The following OR8G5 variants were observed in gnomAD, a reference collection of about 807,000 sequenced individuals.
OR8G5 encodes olfactory receptor family 8 subfamily G member 5.
For missense variants in OR8G5, 347 were observed against 371.9 expected, an observed-to-expected ratio of 0.93 and a Z score of 0.55; for synonymous variants, 147 against 147.7, an observed-to-expected ratio of 1.00 and a Z score of 0.03.
At chr11:124,262,720 C>T (rs961142050) in intron 1 of OR8G5, among the ~76,000 whole-genome samples, 1 of 151,676 alleles carries the variant, frequency 6.6e-6, no homozygotes, top group Non-Finnish European at 1.5e-5. Flanking sequence ...TGCATCTACT[C>T]ATCTGTTGAT....
At chr11:124,262,191 CAG>C (rs763592036) in intron 1 of OR8G5, among the ~76,000 whole-genome samples, 114 of 151,302 alleles carry the variant, frequency 7.5e-4, no homozygotes, top group Non-Finnish European at 1.4e-3. Context: ...TTAAAATCAA[CAG>C]AGTAAAAAGT....
Position 124,262,672 on chromosome 11 carries a change from T to TACACACACACAC in OR8G5, c.-14-2245_-14-2244insCACACACACACA, listed in dbSNP as rs144755103. Among the ~76,000 whole-genome samples the TACACACACACAC allele has an allele frequency of 5.9e-3, 885 of 150,954 alleles. 5 individuals are homozygous for TACACACACACAC. Among genetic ancestry groups the TACACACACACAC allele is most frequent in the East Asian group, 0.022 (114 of 5,140 alleles). ...GTATTCAGTTTTATATATATGTACA[T>TACACACACACAC]ATACACACACACACACATACACACA... On this transcript the variant is annotated intron_variant, in intron 1 of 1. Transcript: ENST00000641992.
Position 124,264,065 on chromosome 11 carries a change from A to G in OR8G5, c.-14-853A>G, listed in dbSNP as rs536649360. On this transcript the variant is annotated intron_variant, in intron 1 of 1. Transcript: ENST00000641992. ...TTTCTTACTATCTTCCCATTTTTAC[A>G]CGCTTAATAGACATTAACAACATAA... Among the ~76,000 whole-genome samples, 12 of 152,246 alleles carry G rather than the reference A, an allele frequency of 7.9e-5. No individual in the cohort carries two copies. The South Asian group carries it at 2.5e-3, about 32-fold the overall frequency.
intron 1 of OR8G5, among the ~76,000 whole-genome samples, chr11:124,258,662 C>T (rs1861935598): frequency 6.6e-6 from 1 of 151,970 alleles, no homozygotes; most frequent in South Asian, 2.1e-4. Context: ...ACTTGCCAAC[C>T]TCATAGTGCC....
intron 1 of OR8G5, among the ~76,000 whole-genome samples, chr11:124,262,108 G>A (rs1216426042): frequency 3.3e-5 from 5 of 151,114 alleles, no homozygotes; most frequent in African/African-American, 1.2e-4. Flanking sequence ...CTAGGAAAAG[G>A]ACAGGAAATC....
At chr11:124,261,137 T>G (rs2954986) in intron 1 of OR8G5, among the ~76,000 whole-genome samples, 1 of 150,516 alleles carries the variant, frequency 6.6e-6, no homozygotes, top group Non-Finnish European at 1.5e-5. Flanking sequence ...CGTTCGTTTT[T>G]TGGCTTAATA....
rs1326199204 is a variant in OR8G5 at position 124,256,542 on chromosome 11, A to G, written c.-107A>G. ...ACTACAGAACGCTGGCTTGGTACCT[A>G]TGACTTCCAACAGCAGCATTAGTGC... On this transcript the variant is annotated 5_prime_UTR_variant, in exon 1 of 2. It removes an upstream start codon present in the reference 5' UTR. Transcript: ENST00000641992. 2.6e-5 allele frequency: 4 copies of G among 152,216 alleles called. No individual in the cohort carries two copies. Among genetic ancestry groups the G allele is most frequent in the Non-Finnish European group, 4.4e-5 (3 of 68,044 alleles). The allele number at this position is 152,216 out of a possible 1,614,324, so 9.4% of individuals were successfully genotyped here.
chr11:124,263,603 G>T (rs1313243332), intron 1 of OR8G5, among the ~76,000 whole-genome samples: 1 of 149,300 alleles, frequency 6.7e-6, no homozygotes, highest in African/African-American at 2.5e-5. Flanking sequence ...GCAGTGTTTG[G>T]TTTTTTGTCC....
intron 1 of OR8G5, among the ~76,000 whole-genome samples, chr11:124,262,651 T>A (rs1487735012): frequency 3.5e-5 from 5 of 144,624 alleles, no homozygotes; most frequent in Non-Finnish European, 7.6e-5. Flanking sequence ...TCAATAGTAT[T>A]CAGTTTTATA....
Position 124,265,864 on chromosome 11 carries a change from A to G in OR8G5, c.933A>G (p.Leu311=), listed in dbSNP as rs1301044767. ...LKKTLGKRTF[L] Reference sequence around the variant, plus strand: ...AAACGCTAGGGAAAAGAACATTCTTATGAACAGAAGTACAATGAAAAAGAT... The same window carrying G: ...AAACGCTAGGGAAAAGAACATTCTTGTGAACAGAAGTACAATGAAAAAGAT... The change falls in exon 2 of 2, where the codon TTA becomes TTG. Residue 311 remains leucine (L), a synonymous_variant. Transcript: ENST00000641992. The G allele has an allele frequency of 6.2e-7, 1 of 1,607,542 alleles. No individual in the cohort carries two copies. The highest frequency in any genetic ancestry group is 1.7e-5 in the Admixed American group (1 of 59,180).
Position 124,265,426 on chromosome 11 carries a change from G to C in OR8G5, c.495G>C (p.Arg165Ser). ...CASAHIGCMF[R>S]VQFCKFDVIN... ...CAGCTCATATAGGCTGTATGTTTAG[G>C]GTTCAATTCTGCAAATTTGATGTGA... is the stretch of plus-strand genomic sequence containing the variant. The change falls in exon 2 of 2, where the codon AGG becomes AGC. Residue 165 changes from arginine to serine, a missense_variant. Physicochemically the swap from Arg to Ser is moderately radical, Grantham distance 110. Coordinates refer to ENST00000641992, the MANE Select transcript of OR8G5 (RefSeq NM_001005198.2). The C allele has an allele frequency of 6.2e-7, 1 of 1,613,816 alleles. No homozygotes were observed. Among genetic ancestry groups the C allele is most frequent in the African/African-American group, 1.3e-5 (1 of 74,990 alleles).
chr11:124,262,409 C>G (rs1861980153), intron 1 of OR8G5, among the ~76,000 whole-genome samples: 1 of 151,458 alleles, frequency 6.6e-6, no homozygotes, highest in African/African-American at 2.4e-5. Context: ...ATTGAAAATT[C>G]AATTTAAGAA....
chr11:124,263,925 G>GT (rs1165291421), intron 1 of OR8G5, among the ~76,000 whole-genome samples: 2 of 151,984 alleles, frequency 1.3e-5, no homozygotes, highest in Non-Finnish European at 2.9e-5. Context: ...TTGTAATTCT[G>GT]TTTTTTAATT....
Position 124,265,903 on chromosome 11 carries a change from A to C in OR8G5, c.*36A>C, listed in dbSNP as rs1293486918. On this transcript the variant is annotated 3_prime_UTR_variant, in exon 2 of 2. Transcript: ENST00000641992. The stretch of plus-strand genomic sequence containing the variant: ...AATGAAAAAGATTGCATTAGATCTA[A>C]GTTTTTGGCTATGATATTGTATGAA... 2.6e-6 allele frequency: 4 copies of C among 1,545,216 alleles called. No homozygotes were observed. Among genetic ancestry groups the C allele is most frequent in the Non-Finnish European group, 3.5e-6 (4 of 1,146,944 alleles).
At chr11:124,257,645 AGTCT>A (rs1478724587) in intron 1 of OR8G5, among the ~76,000 whole-genome samples, 5 of 152,130 alleles carry the variant, frequency 3.3e-5, no homozygotes, top group Admixed American at 1.3e-4. Flanking sequence ...GCAGATGAAA[AGTCT>A]GTCTGTGCAT....
intron 1 of OR8G5, among the ~76,000 whole-genome samples, chr11:124,259,200 C>T (rs1240118504): frequency 4.6e-5 from 7 of 151,970 alleles, no homozygotes; most frequent in African/African-American, 1.7e-4. Context: ...ATCTCTAAAC[C>T]TCAACATCAA....
At chr11:124,264,854 T>C (rs1211757605) in intron 1 of OR8G5, 64 bp from the exon 2 acceptor site, 16 of 1,593,806 alleles carry the variant, frequency 1.0e-5, no homozygotes, top group Non-Finnish European at 1.4e-5. Context: ...AGGGATCACT[T>C]TCCTACAAAA....
Position 124,265,343 on chromosome 11 carries a change from A to G in OR8G5, c.412A>G (p.Asn138Asp). ...SPLLYSIIIS[N>D]KACFSLILVV... ...CTTGCTGTACAGCATCATCATATCC[A>G]ATAAGGCTTGCTTTTCTCTGATTTT... Residue 138 changes from asparagine (N) to aspartate (D), a missense_variant, in exon 2 of 2, where the codon AAT becomes GAT. Physicochemically the swap from Asn to Asp is conservative, Grantham distance 23. Coordinates refer to ENST00000641992, the MANE Select transcript of OR8G5 (RefSeq NM_001005198.2). 6.2e-7 allele frequency: 1 copy of G among 1,613,990 alleles called. No homozygotes were observed. Among genetic ancestry groups the G allele is most frequent in the Non-Finnish European group, 8.5e-7 (1 of 1,179,892 alleles).
At position 124,263,398 on chromosome 11, in the gene OR8G5, G is replaced by A. The variant is rs539170134; in HGVS notation, c.-14-1520G>A. 2.0e-5 allele frequency among the ~76,000 whole-genome samples: 3 copies of A among 151,896 alleles called. No individual in the cohort carries two copies. The East Asian group carries it at 5.8e-4, about 29-fold the overall frequency. ...GCTTTAGGGTACGTGTGCACAATGT[G>A]CAGGTTTGTTACATATGTGTACATG... On this transcript the variant is annotated intron_variant, in intron 1 of 1. Coordinates refer to ENST00000641992, the MANE Select transcript of OR8G5 (RefSeq NM_001005198.2).
Sources: allele counts gnomAD v4.1 joint callset (sites outside exome capture counted in the v4.1 genomes callset), GRCh38; gene constraint gnomAD v4.1.1; transcripts MANE v1.5; gene names NCBI Gene and HGNC (gene_info 2026-07-23, HGNC 2026-07-21).